Variants in METTL8 observed in about 807,000 individuals in gnomAD.
The protein encoded by METTL8 is methyltransferase 8, tRNA N3-cytidine, also known as tRNA N(3)-cytidine methyltransferase METTL8, mitochondrial.
Under a neutral mutation model 48.7 loss-of-function variants are expected in METTL8, and 32 were observed. That is an observed-to-expected ratio of 0.66 (90% CI 0.50 to 0.88). The LOEUF is 0.88. METTL8 is among the 40% of genes least tolerant of loss of function. METTL8 has a pLI of 0.00. For synonymous variants in METTL8, 136 were observed against 157.1 expected (o/e 0.87, Z 1.01); for missense variants, 464 against 474.4 (o/e 0.98, Z 0.20).
chr2:171,434,669 C>G, upstream of METTL8: 2 of 1,514,906 alleles, frequency 1.3e-6, no homozygotes, highest in East Asian at 2.6e-5. Context: ...GTGCAGAGGA[C>G]CAACCTGGGC....
At chr2:171,413,655 C>G (rs1028042381) in intron 1 of METTL8, among the ~76,000 whole-genome samples, 8 of 152,168 alleles carry the variant, frequency 5.3e-5, no homozygotes, top group African/African-American at 1.9e-4. Flanking sequence ...CTACAAGCCA[C>G]ATAAACAAAT....
chr2:171,332,942 G>A (rs1005120427), intron 5 of METTL8: 1 of 152,088 alleles, frequency 6.6e-6, no homozygotes, highest in Non-Finnish European at 1.5e-5. Context: ...AGGATAAAAA[G>A]GTGGGCCTTG....
intron 2 of METTL8, among the ~76,000 whole-genome samples, chr2:171,361,429 A>C (rs1330208603): frequency 6.6e-6 from 1 of 152,148 alleles, no homozygotes; most frequent in African/African-American, 2.4e-5. Flanking sequence ...TAGTCACCTG[A>C]CTGATGAGAA....
At chr2:171,386,051 A>G (rs1391882952) in intron 2 of METTL8, among the ~76,000 whole-genome samples, 5 of 152,228 alleles carry the variant, frequency 3.3e-5, no homozygotes. Context: ...AGCCAGCCCA[A>G]AGCTAGCCCG....
At chr2:171,373,669 G>A (rs144008617) in intron 2 of METTL8, among the ~76,000 whole-genome samples, 12,573 of 152,160 alleles carry the variant, frequency 0.083, 758 homozygotes, top group Admixed American at 0.17. Flanking sequence ...AAGGTCTAAG[G>A]AAGGGATCCA....
At chr2:171,388,923 T>C (rs1300072940) in intron 2 of METTL8, among the ~76,000 whole-genome samples, 3 of 152,220 alleles carry the variant, frequency 2.0e-5, no homozygotes, top group Non-Finnish European at 4.4e-5. Flanking sequence ...ATTTAATTGA[T>C]AAATGTTATG....
intron 1 of METTL8, among the ~76,000 whole-genome samples, chr2:171,419,503 T>C (rs1465272678): frequency 6.6e-6 from 1 of 152,158 alleles, no homozygotes; most frequent in African/African-American, 2.4e-5. Context: ...AATTGTTCGA[T>C]TCTAGTACAC....
intron 2 of METTL8, among the ~76,000 whole-genome samples, chr2:171,374,266 T>C (rs943634122): frequency 2.0e-5 from 3 of 152,224 alleles, no homozygotes; most frequent in African/African-American, 7.2e-5. Flanking sequence ...GTTATTGGCA[T>C]ATAAGAATGC....
chr2:171,360,421 C>T lies in METTL8; in HGVS notation c.235+1G>A. On this transcript the variant is annotated splice_donor_variant, in intron 3 of 9. Coordinates refer to ENST00000375258, the MANE Select transcript of METTL8 (RefSeq NM_001321154.2). LOFTEE classifies it high-confidence loss of function. ...AGGAGCTACAGCACGCAGTTGACTA[C>T]CTTGCTCTTCCAGAAGGACTCGCAC... 1.2e-6 allele frequency: 2 copies of T among 1,613,364 alleles called. No homozygotes were observed. The highest frequency in any genetic ancestry group is 8.5e-7 in the Non-Finnish European group (1 of 1,179,644).
chr2:171,429,520 A>G (rs572192411), intron 1 of METTL8, among the ~76,000 whole-genome samples: 2 of 152,316 alleles, frequency 1.3e-5, no homozygotes, highest in Admixed American at 1.3e-4. Context: ...GCTCACAATC[A>G]TTTGAATTTA....
intron 1 of METTL8, among the ~76,000 whole-genome samples, chr2:171,405,325 A>G (rs1312627065): frequency 2.0e-5 from 3 of 152,186 alleles, no homozygotes; most frequent in African/African-American, 7.2e-5. Flanking sequence ...AGATGGAACT[A>G]ATGGTAATAC....
chr2:171,323,578 T>C lies in METTL8; in HGVS notation c.*594A>G, dbSNP rs1052539299. The C allele has an allele frequency of 2.0e-5, 3 of 152,128 alleles. No individual in the cohort carries two copies. Among genetic ancestry groups the C allele is most frequent in the African/African-American group, 7.2e-5 (3 of 41,408 alleles). 9.4% of individuals were successfully genotyped at this position (152,128 alleles called of 1,614,324 possible). Reference sequence around the variant, plus strand: ...GAATAGCCTGAAAATAATGTCAGCATGGGCTGTACTTCCCCAATTTTAGGA... The same window carrying C: ...GAATAGCCTGAAAATAATGTCAGCACGGGCTGTACTTCCCCAATTTTAGGA... On this transcript the variant is annotated 3_prime_UTR_variant, in exon 10 of 10. Coordinates refer to ENST00000375258, the MANE Select transcript of METTL8 (RefSeq NM_001321154.2).
At chr2:171,324,931 C>T (rs964759608) in intron 9 of METTL8, among the ~76,000 whole-genome samples, 2 of 151,828 alleles carry the variant, frequency 1.3e-5, no homozygotes, top group African/African-American at 4.8e-5. Context: ...TGGTGAAACC[C>T]CTTCTCTAAT....
At chr2:171,343,151 G>T (rs945595668) in intron 3 of METTL8, among the ~76,000 whole-genome samples, 4 of 152,172 alleles carry the variant, frequency 2.6e-5, no homozygotes, top group African/African-American at 9.6e-5. Context: ...AAAAATAAAA[G>T]ATAATAAGCG....
intron 1 of METTL8, among the ~76,000 whole-genome samples, chr2:171,418,013 G>A (rs1396912927): frequency 1.3e-5 from 2 of 151,842 alleles, no homozygotes; most frequent in Non-Finnish European, 2.9e-5. Context: ...GCGCAATCTC[G>A]GCTCACTGCA....
At chr2:171,419,289 A>C (rs1691643200) in intron 1 of METTL8, among the ~76,000 whole-genome samples, 2 of 152,330 alleles carry the variant, frequency 1.3e-5, no homozygotes, top group South Asian at 4.1e-4. Flanking sequence ...AGGTGTGCAT[A>C]ATAAACCAAG....
chr2:171,431,864 G>A (rs556140787), intron 1 of METTL8, among the ~76,000 whole-genome samples: 1 of 152,168 alleles, frequency 6.6e-6, no homozygotes, highest in Non-Finnish European at 1.5e-5. Flanking sequence ...CCACCTCTGG[G>A]GCTTCTGGGT....
Position 171,428,493 on chromosome 2 carries a change from T to TA in METTL8, c.-13+5389dup, listed in dbSNP as rs113979366. ...AGATTTCTTCTCAAGCAAATAAAGT[T>TA]AAAAAAAAAAAAAGTACTTAGCTGT... On this transcript the variant is annotated intron_variant, in intron 1 of 9. Transcript: ENST00000375258. Among the ~76,000 whole-genome samples, 616 of 142,320 alleles carry TA rather than the reference T, an allele frequency of 4.3e-3. 2 individuals carry two copies. The highest frequency in any genetic ancestry group is 0.012 in the African/African-American group (451 of 38,900). 93.4% of individuals were successfully genotyped at this position (142,320 alleles called of 152,430 possible).
At chr2:171,409,176 T>C (rs1690489850) in intron 1 of METTL8, among the ~76,000 whole-genome samples, 1 of 152,224 alleles carries the variant, frequency 6.6e-6, no homozygotes, top group Admixed American at 6.5e-5. Context: ...TGAGATTAAG[T>C]CTGTTGTCAG....
Sources: gnomAD v4.1 joint callset for allele counts (sites outside exome capture counted in the v4.1 genomes callset) on GRCh38, gnomAD v4.1.1 for gene constraint, MANE v1.5 for transcripts, NCBI Gene and HGNC (gene_info 2026-07-23, HGNC 2026-07-21) for gene names.